PCDHGA12: variants seen among roughly 807,000 people sequenced by gnomAD.
The protein encoded by PCDHGA12 is protocadherin gamma-A12.
PCDHGA12 carries 43 observed loss-of-function variants against 61.1 expected under a neutral mutation model. That is an observed-to-expected ratio of 0.70 (90% CI 0.55 to 0.91). PCDHGA12 has a LOEUF of 0.91. Among genes scored for constraint, PCDHGA12 ranks in the 40% least tolerant of loss-of-function variants. PCDHGA12 has a pLI of 0.00. For missense variants in PCDHGA12, 1,236 were observed against 1,227.7 expected (o/e 1.01, Z -0.10); for synonymous variants, 520 against 542.9 (o/e 0.96, Z 0.59).
intron 1 of PCDHGA12, among the ~76,000 whole-genome samples, chr5:141,444,150 GGAT>G (rs2098419400): frequency 8.8e-6 from 1 of 114,014 alleles, no homozygotes; most frequent in African/African-American, 3.4e-5. Context: ...TGTGTGTACT[GGAT>G]TTTTTTTTTT....
chr5:141,462,209 C>T (rs1158675305), intron 1 of PCDHGA12, among the ~76,000 whole-genome samples: 6 of 152,172 alleles, frequency 3.9e-5, no homozygotes, highest in Non-Finnish European at 8.8e-5. Flanking sequence ...ATCCGCCTGC[C>T]TCGGCCTCCC....
chr5:141,504,379 G>T (rs181617363), intron 2 of PCDHGA12, among the ~76,000 whole-genome samples: 1 of 152,088 alleles, frequency 6.6e-6, no homozygotes, highest in African/African-American at 2.4e-5. Context: ...AGGTGGAGTC[G>T]CTGCCTCACA....
chr5:141,483,870 G>C (rs548525439), intron 1 of PCDHGA12, among the ~76,000 whole-genome samples: 9 of 152,142 alleles, frequency 5.9e-5, no homozygotes, highest in Non-Finnish European at 1.3e-4. Context: ...TCCAGATCAG[G>C]ATGGATTTTT....
chr5:141,487,802 C>T lies in PCDHGA12; in HGVS notation c.2425-7005C>T, dbSNP rs765438219. The T allele has an allele frequency of 9.5e-6, 14 of 1,477,306 alleles. No individual in the cohort carries two copies. The South Asian group carries it at 1.7e-4, about 18-fold the overall frequency. 91.5% of individuals were successfully genotyped at this position (1,477,306 alleles called of 1,614,324 possible). A position where few individuals can be genotyped will look rare whatever the true frequency, so the allele number is the denominator to read the frequency against. ...TTTCGTGAATTAACCAGAGTTGTCACAGTTTAGCATTGGGGGCGGGTCATG... is the reference window on the plus strand; with the variant it reads ...TTTCGTGAATTAACCAGAGTTGTCATAGTTTAGCATTGGGGGCGGGTCATG... On this transcript the variant is annotated intron_variant, in intron 1 of 3. Transcript: ENST00000252085. The surrounding 1 kb of genome is among the most constrained non-coding windows in gnomAD (Gnocchi z 5.0).
intron 2 of PCDHGA12, among the ~76,000 whole-genome samples, chr5:141,505,050 T>C (rs1190927211): frequency 2.0e-5 from 3 of 152,130 alleles, no homozygotes; most frequent in Non-Finnish European, 4.4e-5. Context: ...TCATCCCAGC[T>C]ACTTGGGAGA....
Position 141,489,948 on chromosome 5 carries a change from T to G in PCDHGA12, c.2425-4859T>G. The G allele has an allele frequency of 6.2e-7, 1 of 1,614,210 alleles. No homozygotes were observed. Among genetic ancestry groups the G allele is most frequent in the Non-Finnish European group, 8.5e-7 (1 of 1,180,030 alleles). ...TCTCTGTCATCGTGCTGGACATCAA[T>G]GATAATGCTCCAACCTTCCAATCCT... On this transcript the variant is annotated intron_variant, in intron 1 of 3. Transcript: ENST00000252085. The surrounding 1 kb of genome is among the most constrained non-coding windows in gnomAD (Gnocchi z 4.5).
intron 1 of PCDHGA12, among the ~76,000 whole-genome samples, chr5:141,473,661 G>T (rs935648567): frequency 2.6e-5 from 4 of 152,172 alleles, no homozygotes; most frequent in Non-Finnish European, 4.4e-5. Context: ...TTGTGTGAAG[G>T]CCCTGAGACA....
chr5:141,475,553 T>A (rs1159585016), intron 1 of PCDHGA12, among the ~76,000 whole-genome samples: 2 of 152,260 alleles, frequency 1.3e-5, no homozygotes, highest in Non-Finnish European at 2.9e-5. Flanking sequence ...GTCCGGCTAA[T>A]TGTCTGTCTT....
In PCDHGA12 at chr5:141,433,145, G is replaced by C. The variant is rs2097571427; in HGVS notation, c.2386G>C (p.Asp796His). ...EKSEPLLLSG[D>H]SVFSKDSHGL... ...AAGCGAGCCCCTTTTGCTGTCAGGT[G>C]ATTCGGTATTTTCTAAAGACAGTCA... Residue 796 changes from aspartate to histidine, a missense_variant, in exon 1 of 4, where the codon GAT (aspartate) becomes CAT (histidine). Transcript: ENST00000252085. 1 of 1,613,922 alleles carries C rather than the reference G, an allele frequency of 6.2e-7. No individual in the cohort carries two copies. Among genetic ancestry groups the C allele is most frequent in the Non-Finnish European group, 8.5e-7 (1 of 1,180,012 alleles).
At chr5:141,501,402 G>T (rs527659990) in intron 2 of PCDHGA12, among the ~76,000 whole-genome samples, 1 of 151,622 alleles carries the variant, frequency 6.6e-6, no homozygotes, top group African/African-American at 2.4e-5. Context: ...ACAGGCCACT[G>T]CTTGGAAAAT....
intron 1 of PCDHGA12, among the ~76,000 whole-genome samples, chr5:141,484,021 G>A (rs892390865): frequency 2.6e-5 from 4 of 151,080 alleles, no homozygotes; most frequent in African/African-American, 9.7e-5. Context: ...GGGGTGGGGT[G>A]AGATCAAGTC....
At position 141,511,241 on chromosome 5, in the gene PCDHGA12, C is replaced by G; in HGVS notation, c.*68C>G. ...CCAGCCCAGCTTCTCCTTACCTGCA[C>G]CCAGGCCTCAGAGTTTCAGGGCTAA... On this transcript the variant is annotated 3_prime_UTR_variant, in exon 4 of 4. Transcript: ENST00000252085. 1 of 1,585,214 alleles carries G rather than the reference C, an allele frequency of 6.3e-7. No individual in the cohort carries two copies. The highest frequency in any genetic ancestry group is 1.1e-5 in the South Asian group (1 of 87,760).
In PCDHGA12 at chr5:141,431,155, C is replaced by T; in HGVS notation, c.396C>T (p.Tyr132=). The change falls in exon 1 of 4, where the codon TAC becomes TAT. Residue 132 remains tyrosine, a synonymous_variant. Transcript: ENST00000252085. This position sits in a 1 kb window ranked among gnomAD's most constrained non-coding sequence, Gnocchi z 4.8. ...EVRDINDNAP[Y]FRESELEIKI... ...GGGACATTAACGACAATGCGCCTTA[C>T]TTTCGTGAAAGTGAATTAGAAATAA... is the stretch of plus-strand genomic sequence containing the variant. 6.2e-7 allele frequency: 1 copy of T among 1,614,212 alleles called. No homozygotes were observed. Among genetic ancestry groups the T allele is most frequent in the Non-Finnish European group, 8.5e-7 (1 of 1,180,032 alleles).
At chr5:141,498,919 C>T (rs897611505) in intron 2 of PCDHGA12, among the ~76,000 whole-genome samples, 34 of 122,310 alleles carry the variant, frequency 2.8e-4, no homozygotes, top group African/African-American at 3.4e-4. Flanking sequence ...GGTGACAGAG[C>T]GAGACTCCAT....
At chr5:141,456,149 G>A (rs377506220) in intron 1 of PCDHGA12, among the ~76,000 whole-genome samples, 1 of 151,866 alleles carries the variant, frequency 6.6e-6, no homozygotes, top group East Asian at 1.9e-4. Flanking sequence ...CGCCCGCCTC[G>A]GCCTCCTAAA....
rs1290682140 is a variant in PCDHGA12 at position 141,431,692 on chromosome 5, G to A, written c.933G>A (p.Glu311=). 1 of 1,614,132 alleles carries A rather than the reference G, an allele frequency of 6.2e-7. No homozygotes were observed. The highest frequency in any genetic ancestry group is 2.2e-5 in the East Asian group (1 of 44,888). Residue 311 remains glutamate (E), a synonymous_variant, in exon 1 of 4, where the codon GAG becomes GAA. Transcript: ENST00000252085. The surrounding 1 kb of genome is among the most constrained non-coding windows in gnomAD (Gnocchi z 4.8). ...ISTIGELDHE[E]SGFYQMEVQA... The stretch of plus-strand genomic sequence containing the variant: ...CAATAGGGGAGTTGGACCACGAGGA[G>A]TCAGGATTCTACCAGATGGAAGTGC...
chr5:141,491,747 G>C lies in PCDHGA12; in HGVS notation c.2425-3060G>C. 6.3e-7 allele frequency: 1 copy of C among 1,591,872 alleles called. No homozygotes were observed. The highest frequency in any genetic ancestry group is 8.5e-7 in the Non-Finnish European group (1 of 1,170,328). ...CGGGCGACCCCTGGGGGCGGCACTG[G>C]AGAAGCCGCCCGTCCTCATAAGGGA... On this transcript the variant is annotated intron_variant, in intron 1 of 3. Transcript: ENST00000252085. This position sits in a 1 kb window ranked among gnomAD's most constrained non-coding sequence, Gnocchi z 6.9.
intron 1 of PCDHGA12, among the ~76,000 whole-genome samples, chr5:141,447,104 A>G (rs1212797996): frequency 2.0e-5 from 3 of 151,958 alleles, no homozygotes; most frequent in African/African-American, 7.3e-5. Flanking sequence ...TCACATGATT[A>G]TATGTGCTCC....
intron 1 of PCDHGA12, chr5:141,484,904 C>A: frequency 2.5e-6 from 1 of 405,682 alleles, no homozygotes; most frequent in Non-Finnish European, 4.4e-6. Context: ...TCCAATGCTG[C>A]GACGCATTAA....
Sources: allele counts gnomAD v4.1 joint callset (sites outside exome capture counted in the v4.1 genomes callset), GRCh38; gene constraint gnomAD v4.1.1; non-coding constraint Gnocchi (gnomAD v3.1); transcripts MANE v1.5; gene names NCBI Gene and HGNC (gene_info 2026-07-23, HGNC 2026-07-21).